EYS: variants seen among roughly 807,000 people sequenced by gnomAD.
EYS encodes the protein protein eyes shut homolog.
EYS carries 250 observed loss-of-function variants against 282.1 expected under a neutral mutation model. The observed-to-expected ratio is 0.89, with a 90% CI of 0.80 to 0.98. The LOEUF is 0.98. Among genes scored for constraint, EYS ranks in the 50% least tolerant of loss-of-function variants. The probability of loss-of-function intolerance (pLI) is 0.00; values close to 1 mark genes in which losing one functional copy is unlikely to be tolerated. For synonymous variants in EYS, 1,355 were observed against 1,282.9 expected, an observed-to-expected ratio of 1.06 and a Z score of -1.20; for missense variants, 4,016 against 3,709.0, an observed-to-expected ratio of 1.08 and a Z score of -2.15.
intron 31 of EYS, among the ~76,000 whole-genome samples, chr6:64,170,547 C>T (rs533726203): frequency 5.3e-5 from 8 of 151,630 alleles, no homozygotes; most frequent in East Asian, 1.9e-4. Flanking sequence ...TTGGCTGCAT[C>T]GCTGCCTTGT....
intron 35 of EYS, among the ~76,000 whole-genome samples, chr6:63,977,181 T>G (rs1427570851): frequency 4.6e-5 from 7 of 151,768 alleles, no homozygotes; most frequent in Admixed American, 4.6e-4. Flanking sequence ...TAATAAAAAT[T>G]TTACATATTT....
At chr6:65,648,199 G>A (rs1767521906) in intron 1 of EYS, among the ~76,000 whole-genome samples, 1 of 151,980 alleles carries the variant, frequency 6.6e-6, no homozygotes, top group African/African-American at 2.4e-5. Flanking sequence ...AGGAAAATAA[G>A]TCATTATAAC....
chr6:64,175,641 C>T (rs553641534), intron 31 of EYS, among the ~76,000 whole-genome samples: 28 of 152,226 alleles, frequency 1.8e-4, no homozygotes, highest in African/African-American at 6.0e-4. Context: ...GGCATCTCAC[C>T]AGATCAGCTT....
intron 14 of EYS, among the ~76,000 whole-genome samples, chr6:64,983,488 TA>T (rs533234980): frequency 1.9e-3 from 293 of 151,364 alleles, no homozygotes; most frequent in African/African-American, 6.4e-3. Flanking sequence ...ACACAAAACT[TA>T]TACTTTTGAT....
intron 41 of EYS, among the ~76,000 whole-genome samples, chr6:63,736,117 T>C (rs896040535): frequency 6.6e-5 from 10 of 152,088 alleles, no homozygotes; most frequent in East Asian, 5.8e-4. Flanking sequence ...ATTTTGGCTT[T>C]TGTTGCCATT....
chr6:64,282,693 T>C (rs1016614779), intron 30 of EYS, among the ~76,000 whole-genome samples: 3 of 152,154 alleles, frequency 2.0e-5, no homozygotes, highest in Non-Finnish European at 4.4e-5. Context: ...AATTTTTTGG[T>C]AAACCATAAT....
At chr6:65,119,741 C>T (rs1443313229) in intron 12 of EYS, among the ~76,000 whole-genome samples, 2 of 150,512 alleles carry the variant, frequency 1.3e-5, no homozygotes, top group African/African-American at 4.9e-5. Flanking sequence ...GTGGTATACA[C>T]CTGTGGTTCC....
intron 26 of EYS, among the ~76,000 whole-genome samples, chr6:64,550,703 T>C (rs1582884081): frequency 1.3e-5 from 2 of 152,144 alleles, no homozygotes; most frequent in African/African-American, 4.8e-5. Context: ...ATTGTATATC[T>C]AGAAAACCCC....
At chr6:65,502,941 T>C (rs796210765) in intron 2 of EYS, among the ~76,000 whole-genome samples, 8 of 151,808 alleles carry the variant, frequency 5.3e-5, no homozygotes, top group African/African-American at 1.9e-4. Flanking sequence ...CTTGAGGTAG[T>C]ATTTGTCAAG....
intron 33 of EYS, among the ~76,000 whole-genome samples, chr6:64,046,800 A>G (rs1481798272): frequency 1.3e-5 from 2 of 152,106 alleles, no homozygotes; most frequent in Non-Finnish European, 2.9e-5. Flanking sequence ...AATTGTTTCC[A>G]TATTTACTAC....
At chr6:64,728,455 C>T (rs1045831542) in intron 22 of EYS, among the ~76,000 whole-genome samples, 6 of 152,116 alleles carry the variant, frequency 3.9e-5, no homozygotes, top group Non-Finnish European at 7.4e-5. Flanking sequence ...CTGCCTTAGC[C>T]TCCTGAGTAG....
intron 35 of EYS, among the ~76,000 whole-genome samples, chr6:63,919,617 G>A (rs1764514894): frequency 1.3e-5 from 2 of 152,166 alleles, no homozygotes; most frequent in South Asian, 4.1e-4. Flanking sequence ...GGGGGACTGG[G>A]GGAAGGTTTG....
At chr6:65,023,249 CTG>C (rs1772302369) in intron 13 of EYS, among the ~76,000 whole-genome samples, 1 of 152,016 alleles carries the variant, frequency 6.6e-6, no homozygotes, top group Non-Finnish European at 1.5e-5. Context: ...ACTGCGGTCA[CTG>C]TTAAATCTTG....
chr6:65,567,079 G>C (rs1358639691), intron 2 of EYS, among the ~76,000 whole-genome samples: 1 of 151,872 alleles, frequency 6.6e-6, no homozygotes, highest in Non-Finnish European at 1.5e-5. Context: ...TGCTGTTATT[G>C]TGGGAATGGA....
intron 26 of EYS, among the ~76,000 whole-genome samples, chr6:64,568,695 C>T (rs1407306541): frequency 6.6e-6 from 1 of 152,150 alleles, no homozygotes; most frequent in African/African-American, 2.4e-5. Flanking sequence ...GGAGACACCT[C>T]CCAGCAGGGG....
intron 35 of EYS, among the ~76,000 whole-genome samples, chr6:63,875,244 C>G (rs1772936227): frequency 2.6e-5 from 4 of 152,116 alleles, no homozygotes; most frequent in Non-Finnish European, 5.9e-5. Context: ...TGGTTTTTGT[C>G]TTTGGTTCTG....
intron 2 of EYS, among the ~76,000 whole-genome samples, chr6:65,595,740 T>A (rs1024740666): frequency 6.6e-6 from 1 of 152,066 alleles, no homozygotes; most frequent in Non-Finnish European, 1.5e-5. Flanking sequence ...CATCACTGTC[T>A]TTTCACCAAA....
rs70999189 is a variant in EYS, at chr6:65,278,031, C to CCTTTT, written c.2023+17827_2023+17831dup. Among the ~76,000 whole-genome samples, 653 of 107,498 alleles carry CCTTTT rather than the reference C, an allele frequency of 6.1e-3. 69 individuals are homozygous for CCTTTT. The highest frequency in any genetic ancestry group is 7.6e-3 in the Non-Finnish European group (393 of 51,934). The allele number at this position is 107,498 out of a possible 152,430, so 70.5% of individuals were successfully genotyped here. A position where few individuals can be genotyped will look rare whatever the true frequency, so the allele number is the denominator to read the frequency against. ...ACACCAGGTTGTTTTCTTTTCTTTT[C>CCTTTT]CTTTTCTTTTCTTTTCTTTTCTTTT... On this transcript the variant is annotated intron_variant, in intron 12 of 42. Transcript: ENST00000503581.
At chr6:65,033,847 T>C (rs1772682502) in intron 13 of EYS, among the ~76,000 whole-genome samples, 1 of 152,148 alleles carries the variant, frequency 6.6e-6, no homozygotes, top group East Asian at 1.9e-4. Context: ...ACTCTTCTTT[T>C]GACCCCAGAA....
Sources: gnomAD v4.1 joint callset for allele counts (sites outside exome capture counted in the v4.1 genomes callset) on GRCh38, gnomAD v4.1.1 for gene constraint, MANE v1.5 for transcripts, NCBI Gene and HGNC (gene_info 2026-07-23, HGNC 2026-07-21) for gene names.